CERS5: variants seen among roughly 807,000 people sequenced by gnomAD.
The protein encoded by CERS5 is LAG1 homolog, ceramide synthase 5.
Under a neutral mutation model 58.9 loss-of-function variants are expected in CERS5, and 37 were observed. The ratio of observed to expected loss-of-function variants is 0.63; its 90% CI spans 0.48 to 0.83. The LOEUF is 0.83. Among genes scored for constraint, CERS5 ranks in the 40% least tolerant of loss-of-function variants. The pLI, the probability that CERS5 is intolerant of heterozygous loss-of-function variation, is 0.00. For missense variants in CERS5, 398 were observed against 489.3 expected (o/e 0.81, Z 1.76); for synonymous variants, 147 against 177.8 (o/e 0.83, Z 1.38).
intron 6 of CERS5, among the ~76,000 whole-genome samples, chr12:50,136,946 C>T (rs886529928): frequency 2.6e-5 from 4 of 152,078 alleles, no homozygotes; most frequent in Non-Finnish European, 5.9e-5. Flanking sequence ...AATAAAGTGA[C>T]CTGTGTCTTC....
At position 50,130,322 on chromosome 12, in the gene CERS5, C is replaced by T. The variant is rs1592319647; in HGVS notation, c.*223G>A. 2.5e-6 allele frequency: 1 copy of T among 407,334 alleles called. No homozygotes were observed. Among genetic ancestry groups the T allele is most frequent in the Non-Finnish European group, 4.4e-6 (1 of 229,716 alleles). The allele number at this position is 407,334 out of a possible 1,614,324, so 25.2% of individuals were successfully genotyped here. Reference sequence around the variant, plus strand: ...ATATGCACAAACGCACATCAACAAACACACAAAAACACACAGAGCAAATAA... The same window carrying T: ...ATATGCACAAACGCACATCAACAAATACACAAAAACACACAGAGCAAATAA... On this transcript the variant is annotated 3_prime_UTR_variant, in exon 10 of 10. Transcript: ENST00000317551.
intron 1 of CERS5, among the ~76,000 whole-genome samples, chr12:50,151,478 T>C (rs183758336): frequency 1.3e-5 from 2 of 152,320 alleles, no homozygotes; most frequent in East Asian, 3.9e-4. Flanking sequence ...TCTTTGGCAG[T>C]GGAACTAGAC....
chr12:50,131,076 C>G (rs891231877), intron 9 of CERS5, among the ~76,000 whole-genome samples: 19 of 152,210 alleles, frequency 1.2e-4, no homozygotes, highest in African/African-American at 4.6e-4. Flanking sequence ...AGCAATGCTT[C>G]TATCTTCTGG....
chr12:50,139,369 G>A (rs1338191772), intron 4 of CERS5, among the ~76,000 whole-genome samples: 3 of 152,042 alleles, frequency 2.0e-5, no homozygotes, highest in South Asian at 2.1e-4. Flanking sequence ...GTAGTCCCAA[G>A]TTTCCTGGGA....
chr12:50,138,838 T>G (rs1332237593), intron 4 of CERS5, among the ~76,000 whole-genome samples: 1 of 152,190 alleles, frequency 6.6e-6, no homozygotes, highest in African/African-American at 2.4e-5. Flanking sequence ...ATAAGAACAG[T>G]GAGAGCTTTA....
At chr12:50,150,023 T>C (rs190698092) in intron 1 of CERS5, among the ~76,000 whole-genome samples, 250 of 152,318 alleles carry the variant, frequency 1.6e-3, no homozygotes, top group African/African-American at 5.9e-3. Flanking sequence ...ATTACAGGCG[T>C]GAGCCAGCAT....
At chr12:50,133,483 G>A in intron 9 of CERS5, 1 of 991,832 alleles carries the variant, frequency 1.0e-6, no homozygotes, top group Non-Finnish European at 1.2e-6. Context: ...ACCATATCTT[G>A]AATATCACAG....
intron 9 of CERS5, 153 bp downstream of exon 9, chr12:50,134,393 C>A: frequency 6.3e-7 from 1 of 1,581,492 alleles, no homozygotes; most frequent in Non-Finnish European, 8.5e-7. Context: ...AAAGGCAAAA[C>A]ACTTACCGAA....
chr12:50,144,254 C>T (rs1330102207), intron 1 of CERS5, 197 bp from the exon 2 acceptor site: 3 of 485,622 alleles, frequency 6.2e-6, no homozygotes, highest in Non-Finnish European at 1.1e-5. Context: ...CAATGTTCAC[C>T]AGCCTCAGTC....
At chr12:50,155,830 G>A (rs1938526968) in intron 1 of CERS5, among the ~76,000 whole-genome samples, 1 of 151,066 alleles carries the variant, frequency 6.6e-6, no homozygotes. Context: ...GGCCGGGCAT[G>A]GTGGCTCACG....
chr12:50,145,763 C>A (rs757019068), intron 1 of CERS5, among the ~76,000 whole-genome samples: 5 of 152,124 alleles, frequency 3.3e-5, no homozygotes, highest in African/African-American at 7.2e-5. Context: ...TAATATTTAA[C>A]CCCCAACTCA....
At position 50,134,059 on chromosome 12, in the gene CERS5, G is replaced by A. The variant is rs553850674; in HGVS notation, c.1029+487C>T. 752 of 115,530 alleles carry A rather than the reference G, an allele frequency of 6.5e-3. 12 individuals are homozygous for A. Among genetic ancestry groups the A allele is most frequent in the African/African-American group, 0.031 (706 of 22,762 alleles). The allele number at this position is 115,530 out of a possible 1,614,324, so 7.2% of individuals were successfully genotyped here. On this transcript the variant is annotated intron_variant, in intron 9 of 9. Coordinates refer to ENST00000317551, the MANE Select transcript of CERS5 (RefSeq NM_147190.5). ...TGCACTCCAGCCTGGGCAACAGAGC[G>A]AGATTCCATCTGAAAAAAAAAAAAA...
At chr12:50,161,256 C>T (rs1028171668) in intron 1 of CERS5, among the ~76,000 whole-genome samples, 14 of 152,144 alleles carry the variant, frequency 9.2e-5, no homozygotes, top group Admixed American at 8.5e-4. Flanking sequence ...AGATGGCTTT[C>T]CAAGTCATCC....
chr12:50,135,363 C>G, intron 8 of CERS5: 2 of 400,362 alleles, frequency 5.0e-6, no homozygotes, highest in Middle Eastern at 6.0e-4. Flanking sequence ...GGGTTGGGAC[C>G]AGAGCAGGAA....
In CERS5 at chr12:50,130,663, C is replaced by A; in HGVS notation, c.1061G>T (p.Ser354Ile). The A allele has an allele frequency of 6.2e-7, 1 of 1,606,730 alleles. No homozygotes were observed. Among genetic ancestry groups the A allele is most frequent in the Non-Finnish European group, 8.5e-7 (1 of 1,174,142 alleles). Residue 354 changes from serine (S) to isoleucine (I), a missense_variant, in exon 10 of 10, where the codon AGC (serine) becomes ATC (isoleucine). Ser to Ile is a moderately radical substitution (Grantham distance 142, BLOSUM62 -2). Coordinates refer to ENST00000317551, the MANE Select transcript of CERS5 (RefSeq NM_147190.5). Reference protein sequence around the residue: ...VSKDDRSDVESSSEEEDVTTC... With the variant: ...VSKDDRSDVEISSEEEDVTTC... The stretch of plus-strand genomic sequence containing the variant: ...GGTCACATCTTCTTCCTCTGAGCTG[C>A]TCTCCACATCACTGCGATCATCCTT...
chr12:50,161,784 G>GAAAAA (rs374177550), intron 1 of CERS5, among the ~76,000 whole-genome samples: 18 of 90,860 alleles, frequency 2.0e-4, no homozygotes, highest in Non-Finnish European at 3.5e-4. Context: ...CTCAAAAAAA[G>GAAAAA]AAAAAAAAAA....
At chr12:50,139,155 C>A (rs560493961) in intron 4 of CERS5, among the ~76,000 whole-genome samples, 8 of 152,128 alleles carry the variant, frequency 5.3e-5, no homozygotes, top group Non-Finnish European at 1.2e-4. Context: ...TTTAATCAAA[C>A]CTTTCAAAGA....
At chr12:50,148,771 C>T (rs1428518945) in intron 1 of CERS5, among the ~76,000 whole-genome samples, 3 of 150,946 alleles carry the variant, frequency 2.0e-5, no homozygotes, top group Non-Finnish European at 4.4e-5. Context: ...CGGGCATGGT[C>T]GTGCACACCT....
At chr12:50,145,973 A>G (rs912792179) in intron 1 of CERS5, among the ~76,000 whole-genome samples, 1 of 152,202 alleles carries the variant, frequency 6.6e-6, no homozygotes, top group Admixed American at 6.5e-5. Flanking sequence ...AGTTGATGCC[A>G]TATCAGAGAT....
Sources: gnomAD v4.1 joint callset for allele counts (sites outside exome capture counted in the v4.1 genomes callset) on GRCh38, gnomAD v4.1.1 for gene constraint, MANE v1.5 for transcripts, NCBI Gene and HGNC (gene_info 2026-07-23, HGNC 2026-07-21) for gene names.